The following RPGRIP1 variants were observed in gnomAD, a reference collection of about 807,000 sequenced individuals.
The protein encoded by RPGRIP1 is RPGR interacting protein 1.
RPGRIP1 carries 128 observed loss-of-function variants against 157.9 expected under a neutral mutation model. The observed-to-expected ratio is 0.81, with a 90% confidence interval of 0.70 to 0.94. RPGRIP1 has a LOEUF of 0.94. RPGRIP1 is among the 40% of genes least tolerant of loss of function. The pLI is 0.00. For synonymous variants in RPGRIP1, 554 were observed against 571.6 expected, an observed-to-expected ratio of 0.97 and a Z score of 0.44; for missense variants, 1,486 against 1,545.8, an observed-to-expected ratio of 0.96 and a Z score of 0.65.
chr14:21,314,195 A>C (rs1594186634), intron 10 of RPGRIP1, among the ~76,000 whole-genome samples: 1 of 151,040 alleles, frequency 6.6e-6, no homozygotes, highest in Non-Finnish European at 1.5e-5. Flanking sequence ...TGATTTTTCC[A>C]CCTCAGCCTC....
rs79514228 is a variant in RPGRIP1 at position 21,297,758 on chromosome 14, G to C, written c.218+2949G>C. On this transcript the variant is annotated intron_variant, in intron 3 of 24. Coordinates refer to ENST00000400017, the MANE Select transcript of RPGRIP1 (RefSeq NM_020366.4). ...TGGGTGATTTTGGGGGAGGATCCAA[G>C]GAAACAGAAGTTTGCTCCAGATTTC... Among the ~76,000 whole-genome samples the C allele has an allele frequency of 7.0e-4, 106 of 152,228 alleles. 1 individual carries two copies. In the East Asian group the frequency reaches 0.017, roughly 25 times the overall value.
chr14:21,287,797 TGTCC>T, intron 1 of RPGRIP1, 138 bp from the exon 2 acceptor site: 1 of 495,396 alleles, frequency 2.0e-6, no homozygotes, highest in South Asian at 4.3e-5. Context: ...AGTGTAGAGT[TGTCC>T]ACACTACCAT....
At chr14:21,298,457 G>A (rs1255958204) in intron 3 of RPGRIP1, among the ~76,000 whole-genome samples, 2 of 151,206 alleles carry the variant, frequency 1.3e-5, no homozygotes, top group African/African-American at 4.9e-5. Flanking sequence ...CAAGGATTGC[G>A]CCACTGCACT....
chr14:21,331,134 T>C (rs10149790), intron 20 of RPGRIP1, among the ~76,000 whole-genome samples: 33,668 of 151,214 alleles, frequency 0.22, 4,904 homozygotes, highest in African/African-American at 0.42. Flanking sequence ...GTCTCAAACT[T>C]CTGACCTTAG....
chr14:21,349,763 A>G (rs186162094), intron 24 of RPGRIP1, among the ~76,000 whole-genome samples: 3 of 152,306 alleles, frequency 2.0e-5, no homozygotes, highest in African/African-American at 7.2e-5. Context: ...TCCATCTACT[A>G]TAGTAAATAC....
chr14:21,329,004 CATG>C (rs1172646865), intron 19 of RPGRIP1, among the ~76,000 whole-genome samples: 1 of 152,036 alleles, frequency 6.6e-6, no homozygotes, highest in Non-Finnish European at 1.5e-5. Flanking sequence ...ATTAGCCAGG[CATG>C]GTGGTGTGTG....
intron 21 of RPGRIP1, among the ~76,000 whole-genome samples, chr14:21,334,922 T>G (rs572855505): frequency 7.9e-5 from 12 of 150,974 alleles, no homozygotes; most frequent in African/African-American, 2.7e-4. Context: ...GGAGCGTCCT[T>G]GTAATCCCAG....
chr14:21,329,465 A>T (rs531861789), intron 19 of RPGRIP1, among the ~76,000 whole-genome samples: 1 of 152,056 alleles, frequency 6.6e-6, no homozygotes, highest in Admixed American at 6.6e-5. Context: ...GTTTATGCTT[A>T]AAGTTTTAAT....
In RPGRIP1 at chr14:21,297,834, A is replaced by ATTCTTTCTCTCTTTCTTTCT. The variant is rs1555365052; in HGVS notation, c.218+3033_218+3034insCTCTTTCTTTCTTTCTTTCT. On this transcript the variant is annotated intron_variant, in intron 3 of 24. Coordinates refer to ENST00000400017, the MANE Select transcript of RPGRIP1 (RefSeq NM_020366.4). ...CTATGTTTCGGTATCTCAATAAATT[A>ATTCTTTCTCTCTTTCTTTCT]TTCTTTCTTTCTTTCTTTCTTTCTT... Among the ~76,000 whole-genome samples the ATTCTTTCTCTCTTTCTTTCT allele has an allele frequency of 3.4e-4, 45 of 133,322 alleles. 1 individual carries two copies. The highest frequency in any genetic ancestry group is 1.2e-3 in the African/African-American group (39 of 32,316). The allele number at this position is 133,322 out of a possible 152,430, so 87.5% of individuals were successfully genotyped here. A position where few individuals can be genotyped will look rare whatever the true frequency, so the allele number is the denominator to read the frequency against.
In RPGRIP1 at chr14:21,325,028, C is replaced by T; in HGVS notation, c.2173C>T (p.Leu725=). The part of the protein sequence containing the change: ...AAGWICFDRV[L]ETVEKVHGLA... Reference sequence around the variant, plus strand: ...AGGATGGATTTGCTTTGACAGGGTGCTAGAGACTGTGGAGAAAGTCCATGG... The same window carrying T: ...AGGATGGATTTGCTTTGACAGGGTGTTAGAGACTGTGGAGAAAGTCCATGG... Residue 725 remains leucine, a synonymous_variant, in exon 15 of 25, where the codon CTA becomes TTA. Transcript: ENST00000400017. The T allele has an allele frequency of 6.2e-7, 1 of 1,613,356 alleles. No individual in the cohort carries two copies. Among genetic ancestry groups the T allele is most frequent in the Non-Finnish European group, 8.5e-7 (1 of 1,179,358 alleles).
rs780349929 is a variant in RPGRIP1 at position 21,303,424 on chromosome 14, G to A, written c.681G>A (p.Met227Ile). The A allele has an allele frequency of 2.5e-6, 4 of 1,613,746 alleles. No individual in the cohort carries two copies. Among genetic ancestry groups the A allele is most frequent in the Non-Finnish European group, 2.5e-6 (3 of 1,179,824 alleles). The change falls in exon 6 of 25, where the codon ATG (methionine) becomes ATA (isoleucine). Residue 227 changes from methionine to isoleucine, a missense_variant. Physicochemically the swap from Met to Ile is conservative, Grantham distance 10 (BLOSUM62 1). Transcript: ENST00000400017. ...GLCMPNSAHI[M>I]ASNTMQVEEP... ...GCATGCCTAACAGTGCCCACATCAT[G>A]GCCAGCAATACCATGCAAGTGGAAG... is the stretch of plus-strand genomic sequence containing the variant.
chr14:21,294,024 G>A (rs1880649576), intron 2 of RPGRIP1, among the ~76,000 whole-genome samples: 1 of 123,414 alleles, frequency 8.1e-6, no homozygotes, highest in African/African-American at 3.0e-5. Flanking sequence ...GTGTACTCTA[G>A]ACTGGGTGAC....
At chr14:21,306,905 A>G (rs1881337450) in intron 6 of RPGRIP1, among the ~76,000 whole-genome samples, 2 of 150,754 alleles carry the variant, frequency 1.3e-5, no homozygotes, top group Admixed American at 1.3e-4. Flanking sequence ...CCTCCTGAGT[A>G]GCTGGGACTA....
intron 8 of RPGRIP1, chr14:21,311,025 T>C (rs1044231167): frequency 1.1e-5 from 5 of 466,954 alleles, no homozygotes; most frequent in African/African-American, 9.8e-5. Context: ...GCTAGGTGAA[T>C]GTCTGTGCTT....
intron 3 of RPGRIP1, among the ~76,000 whole-genome samples, chr14:21,296,414 C>A (rs1466970729): frequency 6.6e-6 from 1 of 151,492 alleles, no homozygotes; most frequent in Non-Finnish European, 1.5e-5. Flanking sequence ...GGGTTTCACC[C>A]TGTTGGCCAC....
intron 23 of RPGRIP1, among the ~76,000 whole-genome samples, chr14:21,346,541 ACT>A (rs1403176922): frequency 1.3e-5 from 2 of 151,746 alleles, no homozygotes; most frequent in East Asian, 1.9e-4. Context: ...GACAAAGCAG[ACT>A]CTGCCTCTAA....
chr14:21,335,859 T>C (rs968433990), intron 21 of RPGRIP1, among the ~76,000 whole-genome samples: 7 of 152,172 alleles, frequency 4.6e-5, no homozygotes, highest in African/African-American at 7.2e-5. Context: ...TATTCAGTAA[T>C]CATTGTGTTC....
At chr14:21,311,116 G>C (rs1453373007) in intron 8 of RPGRIP1, among the ~76,000 whole-genome samples, 2 of 152,226 alleles carry the variant, frequency 1.3e-5, no homozygotes, top group Admixed American at 6.5e-5. Flanking sequence ...AACACACACA[G>C]AACTTCTGGA....
At chr14:21,306,112 CTTTTTTTTTTTTTTTTTTTTTTT>C (rs539083010) in intron 6 of RPGRIP1, among the ~76,000 whole-genome samples, 2 of 44,828 alleles carry the variant, frequency 4.5e-5, no homozygotes, top group African/African-American at 8.9e-5. Context: ...GAATAATAGT[CTTTTTTTTTTTTTTTTTTTTTTT>C]TTTTTTTTTT....
Sources: gnomAD v4.1 joint callset for allele counts (sites outside exome capture counted in the v4.1 genomes callset) on GRCh38, gnomAD v4.1.1 for gene constraint, MANE v1.5 for transcripts, NCBI Gene and HGNC (gene_info 2026-07-23, HGNC 2026-07-21) for gene names.